The following MARK4 variants were observed in gnomAD, a reference collection of about 807,000 sequenced individuals.
MARK4 encodes the protein MAP/microtubule affinity-regulating kinase 4.
Under a neutral mutation model 81.5 loss-of-function variants are expected in MARK4, and 19 were observed. The ratio of observed to expected loss-of-function variants is 0.23; its 90% CI spans 0.16 to 0.34. MARK4 has a LOEUF of 0.34. Among genes scored for constraint, MARK4 ranks in the 10% least tolerant of loss-of-function variants. The probability of loss-of-function intolerance (pLI) is 1.00; values close to 1 mark genes in which losing one functional copy is unlikely to be tolerated. For missense variants in MARK4, 772 were observed against 1,058.8 expected (o/e 0.73, Z 3.76); for synonymous variants, 436 against 439.0 (o/e 0.99, Z 0.08).
chr19:45,255,058 TG>T (rs1322544502), intron 1 of MARK4, among the ~76,000 whole-genome samples: 8 of 152,082 alleles, frequency 5.3e-5, no homozygotes, highest in Non-Finnish European at 1.2e-4. Context: ...AAAAATCAGC[TG>T]TGTGTGGTGG....
intron 12 of MARK4, among the ~76,000 whole-genome samples, chr19:45,281,363 C>CTTTTTTT (rs1568498227): frequency 4.6e-5 from 4 of 86,154 alleles, no homozygotes; most frequent in Admixed American, 1.0e-4. Flanking sequence ...CTTTTCTTTT[C>CTTTTTTT]TTTCTTTTTT....
intron 1 of MARK4, among the ~76,000 whole-genome samples, chr19:45,251,937 C>G (rs1462377170): frequency 6.6e-6 from 1 of 151,852 alleles, no homozygotes; most frequent in Non-Finnish European, 1.5e-5. Context: ...GAGCCCCTCC[C>G]TTCTCTTGCC....
At position 45,280,359 on chromosome 19, in the gene MARK4, A is replaced by T. The variant is rs747678790; in HGVS notation, c.1007-15A>T. 6.2e-7 allele frequency: 1 copy of T among 1,608,224 alleles called. No individual in the cohort carries two copies. On this transcript the variant is annotated splice_polypyrimidine_tract_variant and intron_variant, in intron 10 of 16. Transcript: ENST00000262891. ...TTCTGGGAGTCTGAAACTTCTCTCC[A>T]TCCCCCCCTCCCAGAGGTGATGGTG...
intron 8 of MARK4, among the ~76,000 whole-genome samples, chr19:45,276,208 G>GT (rs1970595532): frequency 6.6e-6 from 1 of 151,982 alleles, no homozygotes; most frequent in Non-Finnish European, 1.5e-5. Flanking sequence ...TGTATTTTTT[G>GT]TAGAGACAGA....
intron 6 of MARK4, among the ~76,000 whole-genome samples, chr19:45,265,280 C>A (rs1320532603): frequency 1.3e-5 from 2 of 151,570 alleles, no homozygotes; most frequent in Non-Finnish European, 2.9e-5. Flanking sequence ...GATGTGTGGG[C>A]AGTAGCTATG....
chr19:45,257,686 AAT>A lies in MARK4; in HGVS notation c.52-1300_52-1299del, dbSNP rs1479178833. Among the ~76,000 whole-genome samples, 62 of 86,640 alleles carry A rather than the reference AAT, an allele frequency of 7.2e-4. 4 individuals are homozygous for A. The highest frequency in any genetic ancestry group is 8.2e-4 in the Non-Finnish European group (33 of 40,166). The allele number at this position is 86,640 out of a possible 152,430, so 56.8% of individuals were successfully genotyped here. On this transcript the variant is annotated intron_variant, in intron 1 of 16. Transcript: ENST00000262891. ...GCGTGAGCCACCTCGCCTGGCCCATAATATTTTTTTTTTTTTTTTTTGAGACA... is the reference window on the plus strand; with the variant it reads ...GCGTGAGCCACCTCGCCTGGCCCATAATTTTTTTTTTTTTTTTTTGAGACA...
At position 45,287,801 on chromosome 19, in the gene MARK4, C is replaced by T. The variant is rs576751759; in HGVS notation, c.1494+137C>T. The T allele has an allele frequency of 3.6e-5, 37 of 1,027,886 alleles. No homozygotes were observed. The East Asian group carries it at 9.1e-4, about 25-fold the overall frequency. 63.7% of individuals were successfully genotyped at this position (1,027,886 alleles called of 1,614,324 possible). On this transcript the variant is annotated intron_variant, in intron 13 of 16. Transcript: ENST00000262891. The stretch of plus-strand genomic sequence containing the variant: ...TCTACCCATTCATTCATTCAACAAA[C>T]ATTTATCGAGTGCCTCTGTTTGCCT...
chr19:45,258,810 G>C lies in MARK4; in HGVS notation c.52-179G>C, dbSNP rs1477262109. The C allele has an allele frequency of 7.9e-6, 5 of 630,360 alleles. No homozygotes were observed. The African/African-American group carries it at 9.2e-5, about 12-fold the overall frequency. 39.0% of individuals were successfully genotyped at this position (630,360 alleles called of 1,614,324 possible). ...TGTTGCAGATTTGGAGGACATGGGGGCTTTTGTTCCTGGAGGCGTCTTTTT... is the reference window on the plus strand; with the variant it reads ...TGTTGCAGATTTGGAGGACATGGGGCCTTTTGTTCCTGGAGGCGTCTTTTT... On this transcript the variant is annotated intron_variant, in intron 1 of 16. Coordinates refer to ENST00000262891, the MANE Select transcript of MARK4 (RefSeq NM_001199867.2).
At chr19:45,266,351 C>A in intron 7 of MARK4, 70 bp downstream of exon 7, 1 of 1,492,670 alleles carries the variant, frequency 6.7e-7, no homozygotes, top group South Asian at 1.1e-5. Flanking sequence ...GCCCCCACCC[C>A]TCCATGGTTT....
intron 7 of MARK4, among the ~76,000 whole-genome samples, chr19:45,268,825 A>G (rs1036321977): frequency 1.3e-5 from 2 of 152,062 alleles, no homozygotes; most frequent in Non-Finnish European, 2.9e-5. Context: ...ACAAAAAACA[A>G]ATTGCTATAG....
rs552918152 is a variant in MARK4 at position 45,267,183 on chromosome 19, C to T, written c.549+902C>T. ...AGGCGATTCTCCTGCCTCAGCCTCC[C>T]GAGTAGCTGAGGTCACAGGCACCTG... On this transcript the variant is annotated intron_variant, in intron 7 of 16. Transcript: ENST00000262891. 1.2e-3 allele frequency among the ~76,000 whole-genome samples: 182 copies of T among 152,170 alleles called. 1 individual carries two copies. Among genetic ancestry groups the T allele is most frequent in the Non-Finnish European group, 2.2e-3 (148 of 67,988 alleles).
intron 1 of MARK4, among the ~76,000 whole-genome samples, chr19:45,255,838 C>T (rs1240052215): frequency 6.6e-6 from 1 of 152,218 alleles, no homozygotes; most frequent in East Asian, 1.9e-4. Context: ...CGGAAGGGCA[C>T]AGGCAGAACT....
At chr19:45,253,263 A>G (rs1354034687) in intron 1 of MARK4, among the ~76,000 whole-genome samples, 3 of 150,468 alleles carry the variant, frequency 2.0e-5, no homozygotes, top group African/African-American at 7.4e-5. Flanking sequence ...CACAGAGACC[A>G]CCCCGCATCA....
At chr19:45,264,520 G>A (rs1970424655) in intron 4 of MARK4, among the ~76,000 whole-genome samples, 164 bp from the exon 5 acceptor site, 1 of 151,924 alleles carries the variant, frequency 6.6e-6, no homozygotes, top group East Asian at 1.9e-4. Flanking sequence ...GGAAAGGGTG[G>A]TAGAGGGGGC....
At chr19:45,256,699 G>A (rs1970311636) in intron 1 of MARK4, among the ~76,000 whole-genome samples, 1 of 152,172 alleles carries the variant, frequency 6.6e-6, no homozygotes, top group South Asian at 2.1e-4. Flanking sequence ...GCAAAATATT[G>A]TAGAGTTGAT....
intron 8 of MARK4, among the ~76,000 whole-genome samples, chr19:45,272,853 A>G (rs187346937): frequency 1.3e-4 from 20 of 152,278 alleles, no homozygotes; most frequent in Admixed American, 7.8e-4. Context: ...GTGCCACTGC[A>G]CTCCAGCCTG....
intron 14 of MARK4, among the ~76,000 whole-genome samples, chr19:45,296,078 A>G (rs1344436550): frequency 6.6e-6 from 1 of 152,174 alleles, no homozygotes; most frequent in Non-Finnish European, 1.5e-5. Flanking sequence ...TAAGTAACTT[A>G]TCCAAGGCCA....
intron 4 of MARK4, 93 bp downstream of exon 4, chr19:45,263,460 C>T: frequency 6.6e-7 from 1 of 1,525,312 alleles, no homozygotes; most frequent in South Asian, 1.1e-5. Flanking sequence ...GTTGGAGACC[C>T]ACCAGGCGCA....
At chr19:45,264,036 C>A (rs888997340) in intron 4 of MARK4, among the ~76,000 whole-genome samples, 1 of 152,128 alleles carries the variant, frequency 6.6e-6, no homozygotes, top group Non-Finnish European at 1.5e-5. Flanking sequence ...GTGAGAGAAG[C>A]GGAGTTTAGC....
Sources: allele counts gnomAD v4.1 joint callset (sites outside exome capture counted in the v4.1 genomes callset), GRCh38; gene constraint gnomAD v4.1.1; transcripts MANE v1.5; gene names NCBI Gene and HGNC (gene_info 2026-07-23, HGNC 2026-07-21).